The following PGM2 variants were observed in gnomAD, a reference collection of about 807,000 sequenced individuals.
PGM2 encodes phosphopentomutase.
PGM2 carries 57 observed loss-of-function variants against 74.6 expected under a neutral mutation model. The ratio of observed to expected loss-of-function variants is 0.76; its 90% CI spans 0.62 to 0.95. The LOEUF (loss-of-function observed/expected upper bound fraction) is 0.95, where lower values mean the gene tolerates loss of function less well. PGM2 is among the 40% of genes least tolerant of loss of function. PGM2 has a pLI of 0.00. For missense variants in PGM2, 706 were observed against 741.9 expected, an observed-to-expected ratio of 0.95 and a Z score of 0.56; for synonymous variants, 273 against 260.7, an observed-to-expected ratio of 1.05 and a Z score of -0.46.
intron 2 of PGM2, among the ~76,000 whole-genome samples, chr4:37,831,054 C>T (rs751168379): frequency 2.0e-5 from 3 of 151,814 alleles, no homozygotes; most frequent in Non-Finnish European, 2.9e-5. Context: ...ATTAGCCAGG[C>T]GTGGTGGTGT....
At chr4:37,839,499 C>T in intron 4 of PGM2, 1 of 469,138 alleles carries the variant, frequency 2.1e-6, no homozygotes, top group Non-Finnish European at 4.2e-6. Context: ...AAACTGAATC[C>T]ACAAACTTCT....
intron 13 of PGM2, 66 bp downstream of exon 13, chr4:37,855,807 T>G (rs1477434556): frequency 2.2e-6 from 3 of 1,336,252 alleles, no homozygotes; most frequent in Non-Finnish European, 2.0e-6. Flanking sequence ...TCTATTCAAA[T>G]GCCAAGTGAA....
chr4:37,842,169 A>G (rs1008949822), intron 6 of PGM2, among the ~76,000 whole-genome samples: 5 of 148,518 alleles, frequency 3.4e-5, no homozygotes, highest in Admixed American at 1.4e-4. Context: ...ATATACATAT[A>G]TACATATTAT....
chr4:37,838,428 A>G (rs1487353833), intron 4 of PGM2, among the ~76,000 whole-genome samples: 2 of 152,246 alleles, frequency 1.3e-5, no homozygotes, highest in East Asian at 3.8e-4. Flanking sequence ...TCTAAAGAAG[A>G]AGACAGTAGG....
Position 37,841,098 on chromosome 4 carries a change from A to ATGTGTGTG in PGM2, c.719+840_719+841insGTGTGTGT, listed in dbSNP as rs66836878. On this transcript the variant is annotated intron_variant, in intron 6 of 13. Coordinates refer to ENST00000381967, the MANE Select transcript of PGM2 (RefSeq NM_018290.4). ...TATATATATATATATATATATATAT[A>ATGTGTGTG]TATGTGTGTGTGTGTGTTTGTATAT... Among the ~76,000 whole-genome samples, 753 of 114,786 alleles carry ATGTGTGTG rather than the reference A, an allele frequency of 6.6e-3. 7 individuals are homozygous for ATGTGTGTG. The highest frequency in any genetic ancestry group is 0.024 in the African/African-American group (686 of 28,630). 75.3% of individuals were successfully genotyped at this position (114,786 alleles called of 152,430 possible). A position where few individuals can be genotyped will look rare whatever the true frequency, so the allele number is the denominator to read the frequency against.
Position 37,855,673 on chromosome 4 carries a change from C to A in PGM2, c.1668C>A (p.Thr556=). 1.2e-6 allele frequency: 2 copies of A among 1,614,012 alleles called. No individual in the cohort carries two copies. Among genetic ancestry groups the A allele is most frequent in the Non-Finnish European group, 1.7e-6 (2 of 1,179,910 alleles). Residue 556 remains threonine, a synonymous_variant, in exon 13 of 14, where the codon ACC becomes ACA. Transcript: ENST00000381967. ...CCTTTGCTAATGGAGGCGTGGCCAC[C>A]ATGCGCACCAGTGGGACAGAGCCCA... The part of the protein sequence containing the change: ...TFTFANGGVA[T]MRTSGTEPKI...
chr4:37,826,778 G>A lies in PGM2; in HGVS notation c.46G>A (p.Asp16Asn), dbSNP rs972272343. ...CGGTCTAGGCGAGGACGCCCGGCTG[G>A]ACCAGGAGACCGCCCAGTGGCTGCG... Reference protein sequence around the residue: ...GSGLGEDARLDQETAQWLRWD... With the variant: ...GSGLGEDARLNQETAQWLRWD... The change falls in exon 1 of 14, where the codon GAC becomes AAC. Residue 16 changes from aspartate (D) to asparagine (N), a missense_variant. By Grantham distance (23) the Asp-to-Asn change is conservative (BLOSUM62 1). Around this residue, in one of 3 missense-constraint regions of PGM2, gnomAD observed 332 missense variants for 334.9 expected, o/e 0.99. Transcript: ENST00000381967. The A allele has an allele frequency of 1.3e-6, 2 of 1,549,454 alleles. No homozygotes were observed. Among genetic ancestry groups the A allele is most frequent in the African/African-American group, 1.4e-5 (1 of 72,914 alleles).
chr4:37,847,170 G>C (rs765543372), intron 9 of PGM2, 32 bp from the exon 10 acceptor site: 1 of 1,599,444 alleles, frequency 6.3e-7, no homozygotes, highest in East Asian at 2.2e-5. Context: ...AAGATCTAAG[G>C]CATGTCTTTC....
chr4:37,847,586 C>T, intron 10 of PGM2: 2 of 368,546 alleles, frequency 5.4e-6, no homozygotes, highest in Non-Finnish European at 1.0e-5. Context: ...GTGATGTTTC[C>T]TCCACTGTGG....
chr4:37,844,400 C>CA lies in PGM2; in HGVS notation c.757dup (p.Thr253AsnfsTer9). 1 of 1,612,854 alleles carries CA rather than the reference C, an allele frequency of 6.2e-7. No individual in the cohort carries two copies. The highest frequency in any genetic ancestry group is 8.5e-7 in the Non-Finnish European group (1 of 1,179,428). On this transcript the variant is annotated frameshift_variant, in exon 7 of 14. Transcript: ENST00000381967. LOFTEE classifies it high-confidence loss of function. ...GGGAGACAAAGGTGAAGTTTGTGCA[C>CA]ACCTCTGTCCATGGGGTGGGTCATA... is the stretch of plus-strand genomic sequence containing the variant.
At position 37,849,148 on chromosome 4, in the gene PGM2, A is replaced by G. The variant is rs184355761; in HGVS notation, c.1412+497A>G. 2.6e-5 allele frequency among the ~76,000 whole-genome samples: 4 copies of G among 152,230 alleles called. 1 individual carries two copies. In the Middle Eastern group the frequency reaches 0.01, roughly 388 times the overall value. On this transcript the variant is annotated intron_variant, in intron 11 of 13. Coordinates refer to ENST00000381967, the MANE Select transcript of PGM2 (RefSeq NM_018290.4). ...GATATGTAACAAGTTAGTAATTACT[A>G]TTCCCGATCGCATTAATTCTTAACA...
In PGM2 at chr4:37,840,206, T is replaced by G. The variant is rs776132216; in HGVS notation, c.666T>G (p.Ser222Arg). The G allele has an allele frequency of 4.3e-6, 7 of 1,612,956 alleles. No individual in the cohort carries two copies. In the South Asian group the frequency reaches 6.6e-5, roughly 15 times the overall value. Residue 222 changes from serine (S) to arginine (R), a missense_variant, in exon 6 of 14, where the codon AGT (serine) becomes AGG (arginine). This residue lies in a region of PGM2 where 332 missense variants were observed against 334.9 expected (regional missense o/e 0.99). Coordinates refer to ENST00000381967, the MANE Select transcript of PGM2 (RefSeq NM_018290.4). ...GCAGTCCACTTCTCCACAATCCGAG[T>G]GCTTCCATCAATAATGACTACTTTG... ...IDSSPLLHNPSASINNDYFED... is the reference protein window; with the variant it reads ...IDSSPLLHNPRASINNDYFED...
chr4:37,831,071 G>A (rs1406260209), intron 2 of PGM2, among the ~76,000 whole-genome samples: 16 of 151,466 alleles, frequency 1.1e-4, no homozygotes. Context: ...GTGTGCACCT[G>A]TAATTCCAGC....
At chr4:37,841,560 A>G (rs1419022908) in intron 6 of PGM2, among the ~76,000 whole-genome samples, 1 of 152,238 alleles carries the variant, frequency 6.6e-6, no homozygotes, top group South Asian at 2.1e-4. Context: ...AGTGTTGCCC[A>G]CATGAAAATA....
intron 6 of PGM2, among the ~76,000 whole-genome samples, chr4:37,842,668 CT>C (rs11336807): frequency 0.81 from 120,156 of 148,506 alleles, 48,791 homozygotes; most frequent in African/African-American, 0.9. Context: ...CATTTTTTTT[CT>C]TTTTTTTTTG....
chr4:37,842,701 C>T (rs187930250), intron 6 of PGM2, among the ~76,000 whole-genome samples: 64 of 152,064 alleles, frequency 4.2e-4, no homozygotes, highest in Non-Finnish European at 7.5e-4. Flanking sequence ...CACATTGTCA[C>T]CCAGGCTGCA....
chr4:37,827,102 G>A (rs1017625032), intron 1 of PGM2, among the ~76,000 whole-genome samples: 4 of 152,238 alleles, frequency 2.6e-5, no homozygotes, highest in African/African-American at 9.6e-5. Context: ...GTGTAAGCGC[G>A]GCCAGACCCT....
intron 2 of PGM2, among the ~76,000 whole-genome samples, chr4:37,833,868 C>G (rs553973705): frequency 2.6e-5 from 4 of 152,058 alleles, no homozygotes; most frequent in African/African-American, 9.7e-5. Context: ...TTGTCATTTG[C>G]TTGTAGGTGG....
At chr4:37,853,544 T>C (rs1320993739) in intron 12 of PGM2, among the ~76,000 whole-genome samples, 3 of 152,268 alleles carry the variant, frequency 2.0e-5, no homozygotes, top group Admixed American at 2.0e-4. Context: ...TCCCCAAAAG[T>C]CTGATGATCC....
Sources: allele counts gnomAD v4.1 joint callset (sites outside exome capture counted in the v4.1 genomes callset), GRCh38; gene constraint gnomAD v4.1.1; regional missense constraint gnomAD v4.1.1; transcripts MANE v1.5; gene names NCBI Gene and HGNC (gene_info 2026-07-23, HGNC 2026-07-21).